EPCIP: variants seen among roughly 807,000 people sequenced by gnomAD.
EPCIP encodes exosomal polycystin-1-interacting protein.
chr21:32,800,767 G>A, the EPCIP span, among the ~76,000 whole-genome samples: 1 of 151,124 alleles, frequency 6.6e-6, no homozygotes, highest in Non-Finnish European at 1.5e-5. Flanking sequence ...AGTGAGCTGA[G>A]ATCGCGCCAT....
At chr21:32,807,188 G>A in the EPCIP span, among the ~76,000 whole-genome samples, 1 of 152,242 alleles carries the variant, frequency 6.6e-6, no homozygotes, top group East Asian at 1.9e-4. Context: ...GGTTTCTGAT[G>A]CCTTCTTGCT....
chr21:32,796,479 G>C, the EPCIP span, among the ~76,000 whole-genome samples: 1 of 152,252 alleles, frequency 6.6e-6, no homozygotes, highest in Admixed American at 6.5e-5. Context: ...ATAGCAGAGA[G>C]AGAGAGAGAT....
chr21:32,794,463 T>A, the EPCIP span: 4 of 1,573,606 alleles, frequency 2.5e-6, no homozygotes, highest in East Asian at 4.5e-5. Flanking sequence ...CCCCTCTTTT[T>A]GAACCAATTT....
At chr21:32,792,292 C>A in the EPCIP span, among the ~76,000 whole-genome samples, 1 of 152,190 alleles carries the variant, frequency 6.6e-6, no homozygotes. Context: ...TTTATCAGCA[C>A]ACATAAAATC....
chr21:32,795,428 T>C, the EPCIP span, among the ~76,000 whole-genome samples: 1 of 152,208 alleles, frequency 6.6e-6, no homozygotes, highest in African/African-American at 2.4e-5. Flanking sequence ...TGAGATGAGA[T>C]GAGCATTATG....
At chr21:32,793,827 A>G in the EPCIP span, 1 of 1,614,226 alleles carries the variant, frequency 6.2e-7, no homozygotes, top group Non-Finnish European at 8.5e-7. Flanking sequence ...AAGTAAGAAA[A>G]GTCAGGAAAG....
chr21:32,793,462 C>G, the EPCIP span: 1 of 502,212 alleles, frequency 2.0e-6, no homozygotes, highest in Non-Finnish European at 3.5e-6. Context: ...CGGGACATTT[C>G]CCTGCAGGCT....
At chr21:32,799,791 A>G in the EPCIP span, among the ~76,000 whole-genome samples, 1 of 152,012 alleles carries the variant, frequency 6.6e-6, no homozygotes, top group African/African-American at 2.4e-5. Context: ...AAAATACAAA[A>G]ATTAGCCAGG....
chr21:32,800,272 G>T, the EPCIP span, among the ~76,000 whole-genome samples: 1 of 152,138 alleles, frequency 6.6e-6, no homozygotes, highest in African/African-American at 2.4e-5. Context: ...TCTAAATGTT[G>T]GGTGTAATCC....
chr21:32,803,654 A>G, the EPCIP span, among the ~76,000 whole-genome samples: 1 of 152,174 alleles, frequency 6.6e-6, no homozygotes, highest in Non-Finnish European at 1.5e-5. Flanking sequence ...TGAAAACGGA[A>G]TGATATCTTT....
At chr21:32,790,964 A>G in the EPCIP span, 1 of 152,246 alleles carries the variant, frequency 6.6e-6, no homozygotes, top group Non-Finnish European at 1.5e-5. Flanking sequence ...CATTCTCTGA[A>G]GGATCAGATC....
chr21:32,808,149 A>G, the EPCIP span, among the ~76,000 whole-genome samples: 15 of 152,306 alleles, frequency 9.8e-5, no homozygotes, highest in Non-Finnish European at 1.9e-4. Flanking sequence ...CTTGCTGCAA[A>G]ACTCCCCCAC....
chr21:32,809,097 C>T, the EPCIP span, among the ~76,000 whole-genome samples: 3 of 149,548 alleles, frequency 2.0e-5, no homozygotes, highest in African/African-American at 4.9e-5. Context: ...GATGGAAATG[C>T]GAAGTAATCC....
At chr21:32,795,644 G>A in the EPCIP span, among the ~76,000 whole-genome samples, 1 of 152,208 alleles carries the variant, frequency 6.6e-6, no homozygotes, top group African/African-American at 2.4e-5. Flanking sequence ...CAGATGGAAG[G>A]GTCAGTCTGA....
the EPCIP span, among the ~76,000 whole-genome samples, chr21:32,806,990 G>A: frequency 6.6e-6 from 1 of 152,076 alleles, no homozygotes; most frequent in Non-Finnish European, 1.5e-5. Flanking sequence ...AAGTGAAAGG[G>A]GTTTCCCCTT....
the EPCIP span, among the ~76,000 whole-genome samples, chr21:32,800,827 A>C: frequency 1.1e-4 from 16 of 152,178 alleles, no homozygotes; most frequent in South Asian, 1.2e-3. Context: ...AAAAACCAAA[A>C]AAAAAAAAAA....
the EPCIP span, among the ~76,000 whole-genome samples, chr21:32,795,789 C>G: frequency 6.6e-6 from 1 of 152,274 alleles, no homozygotes; most frequent in East Asian, 1.9e-4. Flanking sequence ...TGCCAGGGAT[C>G]GGGTAGACAG....
At chr21:32,798,247 C>T in the EPCIP span, 6 of 152,270 alleles carry the variant, frequency 3.9e-5, no homozygotes, top group Non-Finnish European at 7.3e-5. Flanking sequence ...GCAGAAGGAT[C>T]ACTTGAGTCT....
the EPCIP span, chr21:32,793,974 A>T: frequency 6.2e-7 from 1 of 1,614,172 alleles, no homozygotes; most frequent in African/African-American, 1.3e-5. Flanking sequence ...TTCTCTCTGG[A>T]GTCACTGTCC....
Sources: allele counts gnomAD v4.1 joint callset (sites outside exome capture counted in the v4.1 genomes callset), GRCh38; gene constraint gnomAD v4.1.1; transcripts MANE v1.5; gene names NCBI Gene and HGNC (gene_info 2026-07-23, HGNC 2026-07-21).